The following METTL15 variants were observed in gnomAD, a reference collection of about 807,000 sequenced individuals.
METTL15 encodes 12S rRNA N(4)-cytidine methyltransferase METTL15.
A neutral mutation model predicts 38.3 loss-of-function variants in METTL15; 34 were observed. That is an observed-to-expected ratio of 0.89 (90% CI 0.68 to 1.18). The LOEUF (loss-of-function observed/expected upper bound fraction) is 1.18, where lower values mean the gene tolerates loss of function less well. Ranked by LOEUF, METTL15 falls within the 50% of genes most tolerant of loss-of-function variation. The pLI is 0.00. For synonymous variants in METTL15, 162 were observed against 170.9 expected (o/e 0.95, Z 0.41); for missense variants, 438 against 498.4 (o/e 0.88, Z 1.15).
intron 6 of METTL15, among the ~76,000 whole-genome samples, chr11:28,492,705 G>A (rs74957452): frequency 0.023 from 3,568 of 152,132 alleles, 56 homozygotes; most frequent in Middle Eastern, 0.048. Context: ...CATTTACAGC[G>A]TTTGTAGCAT....
chr11:28,167,139 A>T (rs1850686421), intron 3 of METTL15, among the ~76,000 whole-genome samples: 2 of 152,152 alleles, frequency 1.3e-5, no homozygotes, highest in Non-Finnish European at 2.9e-5. Flanking sequence ...ACTTTGAGTG[A>T]TCTTTGCTTA....
chr11:28,348,214 T>G (rs963152210), intron 3 of METTL15, among the ~76,000 whole-genome samples: 2 of 152,258 alleles, frequency 1.3e-5, no homozygotes, highest in Non-Finnish European at 2.9e-5. Flanking sequence ...TTACCTCATT[T>G]TGACCTACTA....
chr11:28,270,636 G>A (rs1402677008), intron 4 of METTL15, among the ~76,000 whole-genome samples: 1 of 152,080 alleles, frequency 6.6e-6, no homozygotes, highest in Non-Finnish European at 1.5e-5. Context: ...TATAAAATAG[G>A]TGTAGTTGGA....
chr11:28,247,785 T>C (rs1181892790), intron 4 of METTL15, among the ~76,000 whole-genome samples: 1 of 152,096 alleles, frequency 6.6e-6, no homozygotes, highest in Non-Finnish European at 1.5e-5. Flanking sequence ...AACAAGGCGT[T>C]ACGAGATTTT....
At chr11:28,181,167 T>C (rs1394936079) in intron 3 of METTL15, among the ~76,000 whole-genome samples, 7 of 151,676 alleles carry the variant, frequency 4.6e-5, no homozygotes, top group Admixed American at 4.0e-4. Context: ...TGTATACATA[T>C]GTACACAGGG....
intron 1 of METTL15, among the ~76,000 whole-genome samples, chr11:28,109,736 G>A (rs1452447664): frequency 6.6e-6 from 1 of 152,214 alleles, no homozygotes; most frequent in African/African-American, 2.4e-5. Context: ...CACCCACATT[G>A]TATAAGGTTT....
At chr11:28,175,480 G>C (rs1306558565) in intron 3 of METTL15, among the ~76,000 whole-genome samples, 1 of 152,088 alleles carries the variant, frequency 6.6e-6, no homozygotes, top group Non-Finnish European at 1.5e-5. Flanking sequence ...GGATTGCTGG[G>C]TCAAATGGTA....
chr11:28,244,182 A>G (rs1246888094), intron 4 of METTL15, among the ~76,000 whole-genome samples: 1 of 152,232 alleles, frequency 6.6e-6, no homozygotes, highest in Non-Finnish European at 1.5e-5. Context: ...TCTTGGTTTC[A>G]TCTTGATGTT....
intron 5 of METTL15, among the ~76,000 whole-genome samples, chr11:28,413,771 C>T (rs1176439664): frequency 6.6e-6 from 1 of 152,160 alleles, no homozygotes; most frequent in Non-Finnish European, 1.5e-5. Flanking sequence ...TATCAGTGCA[C>T]TCACTACTCA....
intron 6 of METTL15, among the ~76,000 whole-genome samples, chr11:28,496,585 T>C (rs1851537949): frequency 6.6e-6 from 1 of 152,222 alleles, no homozygotes. Context: ...TATGGACACA[T>C]GATCAGTGCC....
intron 4 of METTL15, among the ~76,000 whole-genome samples, chr11:28,216,750 C>T (rs770443562): frequency 8.3e-5 from 11 of 132,644 alleles, no homozygotes; most frequent in South Asian, 8.1e-4. Context: ...TATGCTATTC[C>T]CCTTCCTGTG....
chr11:28,383,029 T>A (rs1850405379), intron 5 of METTL15, among the ~76,000 whole-genome samples: 1 of 151,736 alleles, frequency 6.6e-6, no homozygotes, highest in Non-Finnish European at 1.5e-5. Context: ...GTCAACTGCA[T>A]GTCATGGGGG....
intron 3 of METTL15, among the ~76,000 whole-genome samples, chr11:28,176,567 T>C (rs1355924817): frequency 6.6e-6 from 1 of 152,192 alleles, no homozygotes; most frequent in Admixed American, 6.6e-5. Flanking sequence ...TAGCATGTGG[T>C]ACCTAATAAG....
chr11:28,407,689 T>C (rs1850685845), intron 5 of METTL15, among the ~76,000 whole-genome samples: 1 of 152,128 alleles, frequency 6.6e-6, no homozygotes, highest in African/African-American at 2.4e-5. Flanking sequence ...GAAATAGGAA[T>C]GCTTTTACGC....
intron 4 of METTL15, among the ~76,000 whole-genome samples, chr11:28,248,523 AC>A (rs2133918228): frequency 6.6e-6 from 1 of 152,036 alleles, no homozygotes; most frequent in East Asian, 1.9e-4. Flanking sequence ...TGAAAGATCC[AC>A]CTCCCTTTAA....
In METTL15 at chr11:28,413,333, T is replaced by C. The variant is rs568866764; in HGVS notation, c.*359-10966T>C. On this transcript the variant is annotated intron_variant and NMD_transcript_variant, in intron 5 of 7. Transcript: ENST00000532947. The stretch of plus-strand genomic sequence containing the variant: ...ATTCCTTCCCTAAATTTGTTTAAAA[T>C]TCCTTTTTACAAACTAAACTTTTGG... Among the ~76,000 whole-genome samples the C allele has an allele frequency of 2.6e-5, 4 of 152,270 alleles. No individual in the cohort carries two copies. The East Asian group carries it at 7.7e-4, about 29-fold the overall frequency.
intron 5 of METTL15, among the ~76,000 whole-genome samples, chr11:28,367,462 C>G (rs1850197879): frequency 6.6e-6 from 1 of 152,070 alleles, no homozygotes; most frequent in African/African-American, 2.4e-5. Context: ...TCAAGGAGAA[C>G]TACAAACCAC....
chr11:28,231,450 T>C (rs1277649088), intron 4 of METTL15, among the ~76,000 whole-genome samples: 1 of 151,896 alleles, frequency 6.6e-6, no homozygotes, highest in Non-Finnish European at 1.5e-5. Context: ...TAAGGAATAC[T>C]TCTATAAAAC....
chr11:28,128,093 A>G (rs1024132950), intron 3 of METTL15, among the ~76,000 whole-genome samples: 24 of 152,136 alleles, frequency 1.6e-4, no homozygotes, highest in African/African-American at 5.8e-4. Flanking sequence ...AATAGAAAAG[A>G]AGGAAGGATT....
Sources: allele counts gnomAD v4.1 joint callset (sites outside exome capture counted in the v4.1 genomes callset), GRCh38; gene constraint gnomAD v4.1.1; transcripts MANE v1.5; gene names NCBI Gene and HGNC (gene_info 2026-07-23, HGNC 2026-07-21).